The following GRID2 variants were observed in gnomAD, a reference collection of about 807,000 sequenced individuals.
GRID2 encodes glutamate receptor ionotropic, delta-2.
GRID2 carries 33 observed loss-of-function variants against 114.8 expected under a neutral mutation model. That is an observed-to-expected ratio of 0.29 (90% CI 0.22 to 0.38). GRID2 has a LOEUF of 0.38. Ranked by LOEUF, GRID2 falls within the 10% of genes least tolerant of loss-of-function variation. GRID2 has a pLI of 1.00. For missense variants in GRID2, 1,184 were observed against 1,257.7 expected, an observed-to-expected ratio of 0.94 and a Z score of 0.89; for synonymous variants, 505 against 449.9, an observed-to-expected ratio of 1.12 and a Z score of -1.55.
At chr4:92,731,345 A>G (rs1162177804) in intron 2 of GRID2, among the ~76,000 whole-genome samples, 1 of 151,874 alleles carries the variant, frequency 6.6e-6, no homozygotes, top group African/African-American at 2.4e-5. Flanking sequence ...CTTTTGTACC[A>G]AGGCAACCTA....
chr4:92,768,691 C>A (rs574430236), intron 2 of GRID2, among the ~76,000 whole-genome samples: 31 of 152,270 alleles, frequency 2.0e-4, no homozygotes, highest in African/African-American at 6.7e-4. Context: ...GGAGGAGCAA[C>A]TCACGTCTTA....
At chr4:93,529,764 G>A (rs1244453691) in intron 13 of GRID2, among the ~76,000 whole-genome samples, 9 of 152,024 alleles carry the variant, frequency 5.9e-5, no homozygotes, top group Non-Finnish European at 1.2e-4. Context: ...AAAAGTAGAG[G>A]TTAAGTGAGG....
chr4:92,863,859 ATCTATGACC>A (rs1208222080), intron 2 of GRID2, among the ~76,000 whole-genome samples: 7 of 152,068 alleles, frequency 4.6e-5, no homozygotes, highest in African/African-American at 1.4e-4. Flanking sequence ...TTTAACTAAG[ATCTATGACC>A]TCAATTAGAG....
intron 14 of GRID2, among the ~76,000 whole-genome samples, chr4:93,728,087 A>G (rs1429115231): frequency 2.0e-5 from 3 of 151,754 alleles, no homozygotes; most frequent in Admixed American, 6.6e-5. Context: ...TAGGGTGTCA[A>G]TTTTAGATCT....
intron 2 of GRID2, among the ~76,000 whole-genome samples, chr4:92,853,680 T>C (rs1246359924): frequency 6.6e-6 from 1 of 152,058 alleles, no homozygotes; most frequent in Non-Finnish European, 1.5e-5. Flanking sequence ...AATTTAACTC[T>C]TACCTGTCAA....
chr4:93,666,200 A>G (rs1353854294), intron 14 of GRID2, among the ~76,000 whole-genome samples: 3 of 152,064 alleles, frequency 2.0e-5, no homozygotes, highest in Non-Finnish European at 4.4e-5. Flanking sequence ...TGGCATAACA[A>G]TCCATGCTAG....
At chr4:93,781,431 C>A (rs1176515605) in intron 1 of GRID2, among the ~76,000 whole-genome samples, 1 of 150,790 alleles carries the variant, frequency 6.6e-6, no homozygotes, top group Non-Finnish European at 1.5e-5. Context: ...TGAGGGGCTG[C>A]GGTGAGGGGC....
intron 1 of GRID2, among the ~76,000 whole-genome samples, chr4:92,315,993 CAAAA>C (rs778361565): frequency 3.2e-5 from 2 of 61,916 alleles, no homozygotes; most frequent in Admixed American, 2.1e-4. Context: ...AAACAAAAAG[CAAAA>C]AAAAAAAAAA....
intron 4 of GRID2, among the ~76,000 whole-genome samples, chr4:93,132,129 A>G (rs1254500266): frequency 2.6e-5 from 4 of 152,216 alleles, no homozygotes; most frequent in Non-Finnish European, 4.4e-5. Flanking sequence ...AGAAATTAAC[A>G]TAGCACAGTA....
At position 93,448,755 on chromosome 4, in the gene GRID2, A is replaced by G. The variant is rs545476591; in HGVS notation, c.1546-6907A>G. On this transcript the variant is annotated intron_variant, in intron 10 of 15. Coordinates refer to ENST00000282020, the MANE Select transcript of GRID2 (RefSeq NM_001510.4). ...TACTATATATCAGAATCTGTAAAGG[A>G]TACTTAAAGGCGTAATTAGTAGTCT... Among the ~76,000 whole-genome samples, 179 of 150,042 alleles carry G rather than the reference A, an allele frequency of 1.2e-3. 1 individual carries two copies. The highest frequency in any genetic ancestry group is 4.2e-3 in the African/African-American group (173 of 40,824).
At chr4:93,673,939 G>T (rs1317579105) in intron 14 of GRID2, among the ~76,000 whole-genome samples, 2 of 151,868 alleles carry the variant, frequency 1.3e-5, no homozygotes, top group Non-Finnish European at 2.9e-5. Flanking sequence ...GCCCTCTCTA[G>T]TTCCCTCTTT....
intron 12 of GRID2, among the ~76,000 whole-genome samples, chr4:93,496,041 T>A (rs1204935710): frequency 6.6e-6 from 1 of 151,418 alleles, no homozygotes; most frequent in Non-Finnish European, 1.5e-5. Context: ...CCCATCTGCC[T>A]CTCACTTTTA....
At chr4:92,736,464 T>C (rs1446278055) in intron 2 of GRID2, among the ~76,000 whole-genome samples, 10 of 152,062 alleles carry the variant, frequency 6.6e-5, no homozygotes, top group Admixed American at 2.6e-4. Flanking sequence ...AGTAGGAAAA[T>C]CGTACAGTTC....
intron 11 of GRID2, among the ~76,000 whole-genome samples, chr4:93,489,933 G>T (rs1484889611): frequency 6.6e-6 from 1 of 151,852 alleles, no homozygotes; most frequent in Middle Eastern, 3.2e-3. Flanking sequence ...AAGGTAGGGG[G>T]CTAGAAATGT....
chr4:93,712,935 C>A (rs894153881), intron 14 of GRID2, among the ~76,000 whole-genome samples: 5 of 152,146 alleles, frequency 3.3e-5, no homozygotes, highest in African/African-American at 1.2e-4. Context: ...ATCCAGTATG[C>A]AAGTCAGTAA....
intron 2 of GRID2, among the ~76,000 whole-genome samples, chr4:92,794,905 T>TATATATACACACAC (rs745392261): frequency 1.4e-3 from 185 of 127,736 alleles, no homozygotes; most frequent in Middle Eastern, 4.2e-3. Flanking sequence ...TATATATATA[T>TATATATACACACAC]ACACACACAC....
intron 14 of GRID2, among the ~76,000 whole-genome samples, chr4:93,720,162 A>G (rs1578654080): frequency 6.6e-6 from 1 of 152,306 alleles, no homozygotes; most frequent in East Asian, 1.9e-4. Context: ...AATGACTACA[A>G]GAAGAGAACA....
intron 2 of GRID2, among the ~76,000 whole-genome samples, chr4:92,812,486 C>A (rs533669325): frequency 2.0e-5 from 3 of 152,152 alleles, no homozygotes; most frequent in African/African-American, 7.2e-5. Context: ...TGAAACCATA[C>A]ATCATATAAA....
At chr4:92,653,736 A>G (rs1333865811) in intron 2 of GRID2, among the ~76,000 whole-genome samples, 1 of 152,088 alleles carries the variant, frequency 6.6e-6, no homozygotes, top group Non-Finnish European at 1.5e-5. Context: ...CAACATCTTC[A>G]CTATTTCAGA....
Sources: gnomAD v4.1 joint callset for allele counts (sites outside exome capture counted in the v4.1 genomes callset) on GRCh38, gnomAD v4.1.1 for gene constraint, MANE v1.5 for transcripts, NCBI Gene and HGNC (gene_info 2026-07-23, HGNC 2026-07-21) for gene names.